Variants in GPR89B observed in about 807,000 individuals in gnomAD.
GPR89B encodes golgi pH regulator B.
Under a neutral mutation model 52.4 loss-of-function variants are expected in GPR89B, and 25 were observed. The observed-to-expected ratio is 0.48, with a 90% confidence interval of 0.35 to 0.67. The LOEUF (loss-of-function observed/expected upper bound fraction) is 0.67, where lower values mean the gene tolerates loss of function less well. GPR89B is among the 30% of genes least tolerant of loss of function. The pLI, the probability that GPR89B is intolerant of heterozygous loss-of-function variation, is 0.01. For synonymous variants in GPR89B, 52 were observed against 151.2 expected (o/e 0.34, Z 4.81); for missense variants, 146 against 450.2 (o/e 0.32, Z 6.11).
In GPR89B at chr1:147,985,783, G is replaced by A. The variant is rs1239683379; in HGVS notation, c.910-416G>A. On this transcript the variant is annotated intron_variant, in intron 10 of 13. Transcript: ENST00000314163. ...ATTTTTCATTATTCCATTTGATATC[G>A]TTTGTTGACTTATTAGCTATAACTC... Among the ~76,000 whole-genome samples the A allele has an allele frequency of 2.6e-3, 396 of 151,794 alleles. 3 individuals carry two copies. Among genetic ancestry groups the A allele is most frequent in the African/African-American group, 8.5e-3 (353 of 41,332 alleles).
downstream of GPR89B, among the ~76,000 whole-genome samples, chr1:147,998,462 T>C (rs1659366484): frequency 6.6e-6 from 1 of 151,134 alleles, no homozygotes; most frequent in South Asian, 2.1e-4. Flanking sequence ...CTTTAAAATA[T>C]GGAAAATTAT....
chr1:147,931,777 A>G (rs1653644195), intron 1 of GPR89B, among the ~76,000 whole-genome samples: 1 of 142,608 alleles, frequency 7.0e-6, no homozygotes, highest in South Asian at 2.2e-4. Context: ...TGTTTTTGCC[A>G]TCTTTATGTT....
At chr1:147,968,682 A>G in intron 8 of GPR89B, 193 bp from the exon 9 acceptor site, 1 of 687,956 alleles carries the variant, frequency 1.5e-6, no homozygotes, top group East Asian at 2.6e-5. Flanking sequence ...CTCTTGATGG[A>G]GAAGCTTTTA....
downstream of GPR89B, chr1:147,993,994 C>T (rs1659250690): frequency 4.9e-6 from 2 of 411,508 alleles, no homozygotes; most frequent in East Asian, 1.4e-4. Context: ...GCTCAAGGAA[C>T]CTGTAGAAGT....
intron 5 of GPR89B, among the ~76,000 whole-genome samples, chr1:147,948,682 C>G (rs1460556843): frequency 5.3e-5 from 8 of 150,782 alleles, no homozygotes; most frequent in Non-Finnish European, 1.2e-4. Flanking sequence ...AAGAAGTGAC[C>G]AAGAAAAAGC....
At chr1:147,944,387 C>A (rs1356239225) in intron 5 of GPR89B, among the ~76,000 whole-genome samples, 1 of 151,746 alleles carries the variant, frequency 6.6e-6, no homozygotes, top group East Asian at 1.9e-4. Context: ...AATTTTTGAC[C>A]TTCATTTACT....
At chr1:148,005,526 G>A in the GPR89B span, 2 of 1,602,598 alleles carry the variant, frequency 1.2e-6, no homozygotes, top group South Asian at 1.1e-5. Context: ...GAGAGTAGGG[G>A]TAAACTCCAT....
chr1:147,994,269 A>G, downstream of GPR89B: 1 of 1,598,820 alleles, frequency 6.3e-7, no homozygotes, highest in Non-Finnish European at 8.5e-7. Flanking sequence ...AACAGCTATC[A>G]AATAAACAGC....
intron 5 of GPR89B, among the ~76,000 whole-genome samples, chr1:147,952,650 CT>C (rs1228705714): frequency 6.6e-6 from 1 of 152,084 alleles, no homozygotes; most frequent in Non-Finnish European, 1.5e-5. Context: ...CAATGCCAAA[CT>C]TACTGAGTTA....
intron 7 of GPR89B, among the ~76,000 whole-genome samples, chr1:147,955,341 T>G (rs2149061417): frequency 1.3e-5 from 2 of 152,206 alleles, no homozygotes; most frequent in East Asian, 3.9e-4. Context: ...ACTTGGCTGT[T>G]GTAAATAATA....
chr1:148,006,607 C>A, the GPR89B span, among the ~76,000 whole-genome samples: 1 of 152,068 alleles, frequency 6.6e-6, no homozygotes. Flanking sequence ...ATAAATTAGG[C>A]ACAGTAAGAG....
At chr1:148,010,844 T>G in the GPR89B span, 1 of 152,256 alleles carries the variant, frequency 6.6e-6, no homozygotes, top group Non-Finnish European at 1.5e-5. Context: ...AATTAGGCTC[T>G]TTCAAATCTG....
At chr1:147,975,856 C>T (rs1161107584) in intron 10 of GPR89B, among the ~76,000 whole-genome samples, 5 of 152,008 alleles carry the variant, frequency 3.3e-5, no homozygotes, top group Non-Finnish European at 5.9e-5. Flanking sequence ...GGTATGTTGT[C>T]TCTTTGTTCT....
Position 147,993,331 on chromosome 1 carries a change from A to G in GPR89B, c.*414A>G. The G allele has an allele frequency of 6.5e-6, 2 of 306,722 alleles. No homozygotes were observed. Among genetic ancestry groups the G allele is most frequent in the Non-Finnish European group, 1.2e-5 (2 of 160,426 alleles). 19.0% of individuals were successfully genotyped at this position (306,722 alleles called of 1,614,324 possible). A position where few individuals can be genotyped will look rare whatever the true frequency, so the allele number is the denominator to read the frequency against. ...CTTGAGATTGACTCATTAAAATCAG[A>G]GACTGTAACACTTTTGCCTTACGTT... On this transcript the variant is annotated 3_prime_UTR_variant, in exon 14 of 14. Transcript: ENST00000314163.
At chr1:147,988,334 C>T (rs1658812723) in intron 11 of GPR89B, 98 bp from the exon 12 acceptor site, 2 of 1,526,692 alleles carry the variant, frequency 1.3e-6, no homozygotes, top group East Asian at 2.3e-5. Flanking sequence ...TCTAATAAAG[C>T]TCCCTCTCAC....
At chr1:148,015,754 T>G in the GPR89B span, among the ~76,000 whole-genome samples, 1 of 148,806 alleles carries the variant, frequency 6.7e-6, no homozygotes, top group Non-Finnish European at 1.5e-5. Flanking sequence ...GTACGGGCAT[T>G]TTCGGCGTTT....
rs1190597054 is a variant in GPR89B at position 147,938,911 on chromosome 1, A to C, written c.206+94A>C. 32 of 1,569,696 alleles carry C rather than the reference A, an allele frequency of 2.0e-5. No individual in the cohort carries two copies. The East Asian group carries it at 4.5e-4, about 22-fold the overall frequency. The stretch of plus-strand genomic sequence containing the variant: ...TGGATCTCATAACTGAAAAAAAAAA[A>C]AACACTGTGTTAATAGTTCAGTTTC... On this transcript the variant is annotated intron_variant, in intron 3 of 13. Transcript: ENST00000314163.
At chr1:147,978,305 T>G (rs1657988565) in intron 10 of GPR89B, among the ~76,000 whole-genome samples, 1 of 151,966 alleles carries the variant, frequency 6.6e-6, no homozygotes. Flanking sequence ...CCTGGGTCCC[T>G]CTCGCATCTG....
In GPR89B at chr1:147,993,393, G is replaced by C; in HGVS notation, c.*476G>C. On this transcript the variant is annotated 3_prime_UTR_variant, in exon 14 of 14. Transcript: ENST00000314163. ...GCATAGCTTGGTATTTATTATGCTT[G>C]TGTGATCTAACATGAGTTAGCATCC... 1 of 237,336 alleles carries C rather than the reference G, an allele frequency of 4.2e-6. No individual in the cohort carries two copies. The highest frequency in any genetic ancestry group is 8.3e-6 in the Non-Finnish European group (1 of 120,894). 14.7% of individuals were successfully genotyped at this position (237,336 alleles called of 1,614,324 possible).
Sources: gnomAD v4.1 joint callset for allele counts (sites outside exome capture counted in the v4.1 genomes callset) on GRCh38, gnomAD v4.1.1 for gene constraint, MANE v1.5 for transcripts, NCBI Gene and HGNC (gene_info 2026-07-23, HGNC 2026-07-21) for gene names.